Variants in LMO3 observed in about 807,000 individuals in gnomAD.
The protein encoded by LMO3 is LIM domain only protein 3.
A neutral mutation model predicts 15.8 loss-of-function variants in LMO3; 2 were observed. The ratio of observed to expected loss-of-function variants is 0.13; its 90% CI spans 0.05 to 0.40. The LOEUF (loss-of-function observed/expected upper bound fraction) is 0.40. Among genes scored for constraint, LMO3 ranks in the 10% least tolerant of loss-of-function variants. The pLI, the probability that LMO3 is intolerant of heterozygous loss-of-function variation, is 0.99. For synonymous variants in LMO3, 62 were observed against 63.8 expected (o/e 0.97, Z 0.13); for missense variants, 86 against 182.2 (o/e 0.47, Z 3.04).
rs1942142793 is a variant in LMO3, at chr12:16,555,012, G to GTTAC, written c.333-3689_333-3686dup. 6.6e-6 allele frequency among the ~76,000 whole-genome samples: 1 copy of GTTAC among 152,192 alleles called. No individual in the cohort carries two copies. Among genetic ancestry groups the GTTAC allele is most frequent in the African/African-American group, 2.4e-5 (1 of 41,426 alleles). On this transcript the variant is annotated intron_variant, in intron 3 of 3. Coordinates refer to ENST00000537304, the MANE Select transcript of LMO3 (RefSeq NM_018640.5). This position sits in a 1 kb window ranked among gnomAD's most constrained non-coding sequence, Gnocchi z 5.5. ...TTCTTCTAACTGTAATCTTGGGCAA[G>GTTAC]TTACTTACATTTCCTATACTTTACT...
In LMO3 at chr12:16,598,957, C is replaced by A. The variant is rs1450220460; in HGVS notation, c.206+1698G>T. On this transcript the variant is annotated intron_variant, in intron 2 of 3. Transcript: ENST00000537304. This position sits in a 1 kb window ranked among gnomAD's most constrained non-coding sequence, Gnocchi z 4.3. ...CTTATTTGAAATGGTAACATAAATC[C>A]ACTTGAGATACTGAAATTACAAACA... 2 of 303,404 alleles carry A rather than the reference C, an allele frequency of 6.6e-6. No individual in the cohort carries two copies. The highest frequency in any genetic ancestry group is 2.9e-5 in the South Asian group (1 of 33,968). 18.8% of individuals were successfully genotyped at this position (303,404 alleles called of 1,614,324 possible).
In LMO3 at chr12:16,555,590, T is replaced by G. The variant is rs1942162503; in HGVS notation, c.333-4263A>C. ...GTATTTTAGATGACTAATTTAAATT[T>G]GTATTCATTTTGACTTTTATTTAAT... On this transcript the variant is annotated intron_variant, in intron 3 of 3. Transcript: ENST00000537304. This position sits in a 1 kb window ranked among gnomAD's most constrained non-coding sequence, Gnocchi z 5.5. Among the ~76,000 whole-genome samples, 1 of 152,240 alleles carries G rather than the reference T, an allele frequency of 6.6e-6. No homozygotes were observed. The highest frequency in any genetic ancestry group is 2.4e-5 in the African/African-American group (1 of 41,460).
intron 2 of LMO3, among the ~76,000 whole-genome samples, chr12:16,574,740 GAA>G (rs1942938227): frequency 1.3e-5 from 2 of 152,188 alleles, no homozygotes; most frequent in African/African-American, 4.8e-5. Flanking sequence ...CATTAGAAAA[GAA>G]AGTCTTCTAT....
chr12:16,605,735 G>A, intron 1 of LMO3: 1 of 1,529,604 alleles, frequency 6.5e-7, no homozygotes, highest in South Asian at 1.2e-5. Flanking sequence ...GCAGTTCATG[G>A]TGAACTTTGA....
In LMO3 at chr12:16,582,908, G is replaced by A. The variant is rs1943205642; in HGVS notation, c.206+17747C>T. 6.6e-6 allele frequency among the ~76,000 whole-genome samples: 1 copy of A among 152,030 alleles called. No homozygotes were observed. The highest frequency in any genetic ancestry group is 2.4e-5 in the African/African-American group (1 of 41,404). The stretch of plus-strand genomic sequence containing the variant: ...ACTAAAATAAAAAAATTAGCCGGGA[G>A]TGGTGGCATGCACCTGTAATCCCAG... On this transcript the variant is annotated intron_variant, in intron 2 of 3. Coordinates refer to ENST00000537304, the MANE Select transcript of LMO3 (RefSeq NM_018640.5). The surrounding 1 kb of genome is among the most constrained non-coding windows in gnomAD (Gnocchi z 4.1).
At chr12:16,570,282 A>G (rs1377002935) in intron 2 of LMO3, among the ~76,000 whole-genome samples, 2 of 152,138 alleles carry the variant, frequency 1.3e-5, no homozygotes, top group African/African-American at 2.4e-5. Flanking sequence ...ATATCTTTAC[A>G]GACTTCTTAG....
intron 2 of LMO3, chr12:16,567,720 G>T (rs1722114111): frequency 2.0e-5 from 3 of 152,304 alleles, no homozygotes; most frequent in South Asian, 4.2e-4. Flanking sequence ...GATGGGTGAT[G>T]ACAGCTTGGA....
chr12:16,593,193 A>G lies in LMO3; in HGVS notation c.206+7462T>C, dbSNP rs10772947. 0.5 allele frequency among the ~76,000 whole-genome samples: 75,872 copies of G among 151,606 alleles called. 19,445 individuals are homozygous for G. Among genetic ancestry groups the G allele is most frequent in the South Asian group, 0.59 (2,827 of 4,816 alleles). ...TTGGGTTTAATGTGGACGATGCTTC[A>G]CTGCATTAGTGATAACAATTTTACT... On this transcript the variant is annotated intron_variant, in intron 2 of 3. Transcript: ENST00000537304. This position sits in a 1 kb window ranked among gnomAD's most constrained non-coding sequence, Gnocchi z 4.2.
chr12:16,564,298 T>C (rs1942513097), intron 2 of LMO3, among the ~76,000 whole-genome samples: 1 of 152,174 alleles, frequency 6.6e-6, no homozygotes, highest in African/African-American at 2.4e-5. Flanking sequence ...TGTGTATGGG[T>C]GGCATTGCAA....
At chr12:16,556,909 T>C (rs1380909163) in intron 3 of LMO3, among the ~76,000 whole-genome samples, 2 of 152,194 alleles carry the variant, frequency 1.3e-5, no homozygotes, top group East Asian at 1.9e-4. Flanking sequence ...TTATGGCATG[T>C]AATAAATGAA....
chr12:16,565,228 A>AT (rs1289783564), intron 2 of LMO3, among the ~76,000 whole-genome samples: 2 of 152,218 alleles, frequency 1.3e-5, no homozygotes, highest in Non-Finnish European at 2.9e-5. Context: ...AATTGAAAAG[A>AT]TTTTTAACTT....
Position 16,584,382 on chromosome 12 carries a change from A to G in LMO3, c.206+16273T>C, listed in dbSNP as rs1169282212. Among the ~76,000 whole-genome samples the G allele has an allele frequency of 3.9e-5, 6 of 152,178 alleles. No individual in the cohort carries two copies. On this transcript the variant is annotated intron_variant, in intron 2 of 3. Transcript: ENST00000537304. The surrounding 1 kb of genome is among the most constrained non-coding windows in gnomAD (Gnocchi z 5.2). Reference sequence around the variant, plus strand: ...CAAGTTTCAGGTAAGGCAACAGATGAAATTCAGTTAAAACAATATTTTGAT... The same window carrying G: ...CAAGTTTCAGGTAAGGCAACAGATGGAATTCAGTTAAAACAATATTTTGAT...
chr12:16,558,978 A>ATATC (rs1942293357), intron 3 of LMO3, among the ~76,000 whole-genome samples: 1 of 152,122 alleles, frequency 6.6e-6, no homozygotes, highest in Non-Finnish European at 1.5e-5. Flanking sequence ...CACAGCTAAT[A>ATATC]TATCAGCTAA....
chr12:16,604,992 C>G lies in LMO3; in HGVS notation c.-9+1074G>C. On this transcript the variant is annotated intron_variant, in intron 1 of 3. Transcript: ENST00000537304. This position sits in a 1 kb window ranked among gnomAD's most constrained non-coding sequence, Gnocchi z 5.3. Reference sequence around the variant, plus strand: ...TCCTTGATTTCGCTTAAGTGTGGACCTGGTGCGCAGCCTACACCGCCGAGG... The same window carrying G: ...TCCTTGATTTCGCTTAAGTGTGGACGTGGTGCGCAGCCTACACCGCCGAGG... 1 of 1,595,310 alleles carries G rather than the reference C, an allele frequency of 6.3e-7. No individual in the cohort carries two copies. The highest frequency in any genetic ancestry group is 1.1e-5 in the South Asian group (1 of 90,710).
At chr12:16,561,226 G>A (rs770205190) in intron 2 of LMO3, among the ~76,000 whole-genome samples, 1 of 152,116 alleles carries the variant, frequency 6.6e-6, no homozygotes, top group East Asian at 1.9e-4. Flanking sequence ...CCTGAGAATC[G>A]TTATTGTAAT....
At chr12:16,562,658 G>A (rs1942445180) in intron 2 of LMO3, among the ~76,000 whole-genome samples, 2 of 152,202 alleles carry the variant, frequency 1.3e-5, no homozygotes, top group African/African-American at 2.4e-5. Context: ...AATGTGGCAA[G>A]TTCAGTAATG....
chr12:16,557,427 C>T (rs764550389), intron 3 of LMO3, among the ~76,000 whole-genome samples: 15 of 147,104 alleles, frequency 1.0e-4, no homozygotes, highest in East Asian at 2.0e-4. Flanking sequence ...TGAGGGAATG[C>T]GTAGTTTTGT....
rs1354323976 is a variant in LMO3 at position 16,594,184 on chromosome 12, TG to T, written c.206+6470del. The T allele has an allele frequency of 3.3e-6, 5 of 1,532,958 alleles. No individual in the cohort carries two copies. In the Admixed American group the frequency reaches 9.8e-5, roughly 30 times the overall value. 95.0% of individuals were successfully genotyped at this position (1,532,958 alleles called of 1,614,324 possible). On this transcript the variant is annotated intron_variant, in intron 2 of 3. Coordinates refer to ENST00000537304, the MANE Select transcript of LMO3 (RefSeq NM_018640.5). ...TAAAGTCAATGATGACAAAAGGTAA[TG>T]GCCATTCTAAGGTTACACAGATTCC... is the stretch of plus-strand genomic sequence containing the variant.
chr12:16,575,429 A>G (rs1371045279), intron 2 of LMO3, among the ~76,000 whole-genome samples: 4 of 152,240 alleles, frequency 2.6e-5, no homozygotes, highest in Non-Finnish European at 5.9e-5. Context: ...TTAAAGAAAC[A>G]TCTGAAATCA....
Sources: gnomAD v4.1 joint callset for allele counts (sites outside exome capture counted in the v4.1 genomes callset) on GRCh38, gnomAD v4.1.1 for gene constraint, Gnocchi (gnomAD v3.1) non-coding constraint, MANE v1.5 for transcripts, NCBI Gene and HGNC (gene_info 2026-07-23, HGNC 2026-07-21) for gene names.